Variants in IL1RAPL2 observed in about 807,000 individuals in gnomAD.
IL1RAPL2 encodes the protein interleukin 1 receptor accessory protein like 2, also known as X-linked interleukin-1 receptor accessory protein-like 2.
In IL1RAPL2, 3 loss-of-function variants were observed where a neutral mutation model predicts 44.1. The observed-to-expected ratio is 0.07, with a 90% CI of 0.03 to 0.18. The LOEUF is 0.18. Among genes scored for constraint, IL1RAPL2 ranks in the 10% least tolerant of loss-of-function variants. The pLI, the probability that IL1RAPL2 is intolerant of heterozygous loss-of-function variation, is 1.00. For synonymous variants in IL1RAPL2, 181 were observed against 178.8 expected, an observed-to-expected ratio of 1.01 and a Z score of -0.10; for missense variants, 391 against 496.4, an observed-to-expected ratio of 0.79 and a Z score of 2.02.
At chrX:105,606,955 TA>T (rs1260261201) in intron 6 of IL1RAPL2, among the ~76,000 whole-genome samples, 2 of 111,339 alleles carry the variant, frequency 1.8e-5, no homozygotes, top group Non-Finnish European at 3.8e-5. Context: ...TACAACTATA[TA>T]GGAGAAATAA....
chrX:104,815,129 G>A (rs751944947), intron 2 of IL1RAPL2, among the ~76,000 whole-genome samples: 24 of 111,670 alleles, frequency 2.1e-4, no homozygotes, highest in Non-Finnish European at 4.1e-4. Context: ...GTTCAATAGT[G>A]GAGAAAAAAG....
At chrX:105,343,287 C>T (rs1223085916) in intron 5 of IL1RAPL2, among the ~76,000 whole-genome samples, 2 of 111,956 alleles carry the variant, frequency 1.8e-5, no homozygotes, top group Non-Finnish European at 3.8e-5. Context: ...AGGAAAGCTA[C>T]ATTGTAAATA....
At chrX:104,764,229 A>G (rs1256972528) in intron 2 of IL1RAPL2, among the ~76,000 whole-genome samples, 1 of 109,841 alleles carries the variant, frequency 9.1e-6, no homozygotes, top group African/African-American at 3.3e-5. Flanking sequence ...GTCTTCTGCA[A>G]TTTCTTTCAT....
rs1361574745 is a variant in IL1RAPL2 at position 105,407,267 on chromosome X, A to T, written c.698-77046A>T. On this transcript the variant is annotated intron_variant, in intron 5 of 10. Coordinates refer to ENST00000372582, the MANE Select transcript of IL1RAPL2 (RefSeq NM_017416.2). Reference sequence around the variant, plus strand: ...TAACAGAAAAGCACTCATTTAATAGATGTAGGGAAACTAGATATTGCTGCC... The same window carrying T: ...TAACAGAAAAGCACTCATTTAATAGTTGTAGGGAAACTAGATATTGCTGCC... 2.7e-5 allele frequency among the ~76,000 whole-genome samples: 3 copies of T among 110,602 alleles called. No homozygotes were observed. In the Admixed American group the frequency reaches 2.9e-4, roughly 11 times the overall value.
At chrX:104,647,725 C>A (rs1394523469) in intron 1 of IL1RAPL2, 3 of 543,147 alleles carry the variant, frequency 5.5e-6, no homozygotes, top group Non-Finnish European at 6.8e-6. Context: ...AGAGGATGTG[C>A]AGTGTGATGT....
intron 2 of IL1RAPL2, among the ~76,000 whole-genome samples, chrX:105,124,740 A>G (rs2032958013): frequency 9.0e-6 from 1 of 110,878 alleles, no homozygotes; most frequent in African/African-American, 3.3e-5. Context: ...TAATATTTTT[A>G]GGACTATTAA....
intron 2 of IL1RAPL2, among the ~76,000 whole-genome samples, chrX:105,038,821 A>G (rs1393772225): frequency 9.0e-6 from 1 of 110,538 alleles, no homozygotes; most frequent in Non-Finnish European, 1.9e-5. Context: ...TATATATTGC[A>G]TTAACTTCTA....
At chrX:104,695,898 C>T (rs972091359) in intron 2 of IL1RAPL2, among the ~76,000 whole-genome samples, 3 of 111,155 alleles carry the variant, frequency 2.7e-5, no homozygotes, top group Admixed American at 9.6e-5. Flanking sequence ...ACCACTGTCT[C>T]CCGGGTTCAA....
chrX:105,427,786 C>T (rs1055351210), intron 5 of IL1RAPL2, among the ~76,000 whole-genome samples: 4 of 111,789 alleles, frequency 3.6e-5, no homozygotes, highest in Admixed American at 2.9e-4. Flanking sequence ...TTAAGACTAA[C>T]TACTAACTGC....
chrX:105,395,497 A>T (rs1170079109), intron 5 of IL1RAPL2, among the ~76,000 whole-genome samples: 1 of 111,191 alleles, frequency 9.0e-6, no homozygotes, highest in Non-Finnish European at 1.9e-5. Flanking sequence ...AGAAACAAAG[A>T]CATTCCAGAT....
At chrX:105,464,533 A>G (rs1348980093) in intron 5 of IL1RAPL2, among the ~76,000 whole-genome samples, 1 of 111,705 alleles carries the variant, frequency 9.0e-6, no homozygotes, top group Admixed American at 9.5e-5. Context: ...GAATACAAAA[A>G]CACTTCTAAT....
chrX:104,790,280 C>T (rs762783431), intron 2 of IL1RAPL2, among the ~76,000 whole-genome samples: 32 of 111,659 alleles, frequency 2.9e-4, no homozygotes, highest in Non-Finnish European at 5.6e-4. Flanking sequence ...GAGAGAGTCT[C>T]TATTTGTGAT....
intron 10 of IL1RAPL2, among the ~76,000 whole-genome samples, chrX:105,756,228 C>CA (rs2038637874): frequency 8.9e-6 from 1 of 112,034 alleles, no homozygotes; most frequent in South Asian, 3.7e-4. Flanking sequence ...CAGTACTTGA[C>CA]AGTGTATAAA....
intron 2 of IL1RAPL2, among the ~76,000 whole-genome samples, chrX:104,660,865 G>A (rs1930384225): frequency 9.4e-6 from 1 of 106,141 alleles, no homozygotes; most frequent in African/African-American, 3.5e-5. Flanking sequence ...AGCCTGTGAA[G>A]CAGAGGTTGG....
rs758679840 is a variant in IL1RAPL2, at chrX:105,274,250, A to G, written c.697+6709A>G. On this transcript the variant is annotated intron_variant, in intron 5 of 10. Coordinates refer to ENST00000372582, the MANE Select transcript of IL1RAPL2 (RefSeq NM_017416.2). Reference sequence around the variant, plus strand: ...TCTTAGCACTTTAGTTAAGATCGTTAGGAGTAGGGCCAATAATTGAATCTG... The same window carrying G: ...TCTTAGCACTTTAGTTAAGATCGTTGGGAGTAGGGCCAATAATTGAATCTG... Among the ~76,000 whole-genome samples, 7 of 112,149 alleles carry G rather than the reference A, an allele frequency of 6.2e-5. No individual in the cohort carries two copies. In the Admixed American group the frequency reaches 6.6e-4, roughly 11 times the overall value.
chrX:105,374,467 G>A (rs1448119486), intron 5 of IL1RAPL2, among the ~76,000 whole-genome samples: 1 of 111,321 alleles, frequency 9.0e-6, no homozygotes, highest in African/African-American at 3.3e-5. Context: ...CTTCCTATCC[G>A]TGAACATGGA....
chrX:104,649,012 C>T (rs1362235137), intron 1 of IL1RAPL2, among the ~76,000 whole-genome samples: 4 of 111,427 alleles, frequency 3.6e-5, no homozygotes, highest in Non-Finnish European at 7.5e-5. Flanking sequence ...CTTATCTATT[C>T]CCCTTTTTTG....
At chrX:104,614,416 T>C (rs1191918024) in intron 1 of IL1RAPL2, among the ~76,000 whole-genome samples, 1 of 112,160 alleles carries the variant, frequency 8.9e-6, no homozygotes, top group Non-Finnish European at 1.9e-5. Flanking sequence ...TTTTTTGAAG[T>C]TATTGAGACT....
intron 2 of IL1RAPL2, among the ~76,000 whole-genome samples, chrX:105,069,423 C>A: frequency 8.9e-6 from 1 of 112,239 alleles, no homozygotes; most frequent in Non-Finnish European, 1.9e-5. Context: ...GAAAGGAATT[C>A]AAATTATGTT....
Sources: allele counts gnomAD v4.1 joint callset (sites outside exome capture counted in the v4.1 genomes callset), GRCh38; gene constraint gnomAD v4.1.1; transcripts MANE v1.5; gene names NCBI Gene and HGNC (gene_info 2026-07-23, HGNC 2026-07-21).